Variants in CWF19L2 observed in about 807,000 individuals in gnomAD.
CWF19L2 encodes CWF19 like cell cycle control factor 2.
CWF19L2 carries 98 observed loss-of-function variants against 111.7 expected under a neutral mutation model. The observed-to-expected ratio is 0.88, with a 90% CI of 0.75 to 1.04. The LOEUF (loss-of-function observed/expected upper bound fraction) is 1.04, where lower values mean the gene tolerates loss of function less well. Ranked by LOEUF, CWF19L2 falls within the 50% of genes least tolerant of loss-of-function variation. The pLI is 0.00. For missense variants in CWF19L2, 1,101 were observed against 1,051.4 expected, an observed-to-expected ratio of 1.05 and a Z score of -0.65; for synonymous variants, 351 against 342.9, an observed-to-expected ratio of 1.02 and a Z score of -0.26.
intron 12 of CWF19L2, among the ~76,000 whole-genome samples, chr11:107,361,683 T>C (rs1409482008): frequency 6.6e-6 from 1 of 152,218 alleles, no homozygotes; most frequent in South Asian, 2.1e-4. Context: ...CCTGTAGAGA[T>C]CTTTCACCTC....
At chr11:107,328,570 G>A (rs1859797362) in intron 17 of CWF19L2, among the ~76,000 whole-genome samples, 1 of 152,150 alleles carries the variant, frequency 6.6e-6, no homozygotes, top group African/African-American at 2.4e-5. Flanking sequence ...GTGACGCAAT[G>A]CTGACAGAGA....
intron 10 of CWF19L2, chr11:107,404,333 G>C: frequency 1.3e-6 from 1 of 789,654 alleles, no homozygotes. Context: ...AGGGTTGGAA[G>C]CCTTTACTTG....
intron 12 of CWF19L2, among the ~76,000 whole-genome samples, chr11:107,362,268 G>A (rs1860361694): frequency 6.6e-6 from 1 of 152,260 alleles, no homozygotes; most frequent in East Asian, 1.9e-4. Flanking sequence ...CCATTGCCCA[G>A]GCTTGCTTAG....
Position 107,454,463 on chromosome 11 carries a change from G to C in CWF19L2, c.326C>G (p.Ser109Cys). The change falls in exon 3 of 18, where the codon TCT becomes TGT. Residue 109 changes from serine (S) to cysteine (C), a missense_variant. Coordinates refer to ENST00000282251, the MANE Select transcript of CWF19L2 (RefSeq NM_152434.3). ...GTACATACTTACTGATGAGCTATCA[G>C]ATGACTCATTGTTTTTTTCATATTT... ...KQKYEKNNES[S>C]DSSSSSEDEW... 2 of 1,439,738 alleles carry C rather than the reference G, an allele frequency of 1.4e-6. No homozygotes were observed. The highest frequency in any genetic ancestry group is 3.2e-5 in the South Asian group (2 of 62,858). The allele number at this position is 1,439,738 out of a possible 1,614,324, so 89.2% of individuals were successfully genotyped here. A position where few individuals can be genotyped will look rare whatever the true frequency, so the allele number is the denominator to read the frequency against.
In CWF19L2 at chr11:107,362,402, C is replaced by G. The variant is rs547656175; in HGVS notation, c.1873-8666G>C. ...AAACAAACAAAAAGACAGCAGTAAC[C>G]TCTGCAGACTTAAATGTCCCTGTCT... On this transcript the variant is annotated intron_variant, in intron 12 of 17. Transcript: ENST00000282251. Among the ~76,000 whole-genome samples, 29 of 152,100 alleles carry G rather than the reference C, an allele frequency of 1.9e-4. No homozygotes were observed. The East Asian group carries it at 5.5e-3, about 29-fold the overall frequency.
intron 10 of CWF19L2, 100 bp downstream of exon 10, chr11:107,416,109 A>G (rs1029129563): frequency 2.0e-5 from 6 of 292,838 alleles, no homozygotes; most frequent in Non-Finnish European, 3.0e-5. Flanking sequence ...AAAAATAGAT[A>G]AAATAAAATA....
At chr11:107,403,422 G>A in intron 10 of CWF19L2, 1 of 756,990 alleles carries the variant, frequency 1.3e-6, no homozygotes, top group South Asian at 1.3e-5. Flanking sequence ...TCATCTTCTG[G>A]TAGGGGATCT....
chr11:107,455,518 G>C (rs1237815526), intron 2 of CWF19L2, 148 bp downstream of exon 2: 3 of 506,220 alleles, frequency 5.9e-6, no homozygotes, highest in Admixed American at 3.8e-5. Context: ...CTCTGCCAAA[G>C]AGATGAAACT....
intron 12 of CWF19L2, among the ~76,000 whole-genome samples, chr11:107,361,884 G>C (rs1409560831): frequency 1.3e-5 from 2 of 152,158 alleles, no homozygotes; most frequent in African/African-American, 2.4e-5. Flanking sequence ...GCAGAAGACG[G>C]GTGATTTGTG....
At chr11:107,374,818 A>C (rs201317047) in intron 12 of CWF19L2, among the ~76,000 whole-genome samples, 9,079 of 144,580 alleles carry the variant, frequency 0.063, no homozygotes, top group East Asian at 0.15. Context: ...TAAAAGACAC[A>C]GACTGGCAAA....
At chr11:107,388,787 C>A (rs1860807903) in intron 12 of CWF19L2, among the ~76,000 whole-genome samples, 1 of 152,172 alleles carries the variant, frequency 6.6e-6, no homozygotes. Context: ...ACTTCATATA[C>A]AGAGGTACCA....
chr11:107,454,349 T>C lies in CWF19L2; in HGVS notation c.339+101A>G, dbSNP rs139173571. 6.2e-4 allele frequency: 560 copies of C among 902,708 alleles called. 3 individuals carry two copies. In the African/African-American group the frequency reaches 9.1e-3, roughly 15 times the overall value. 55.9% of individuals were successfully genotyped at this position (902,708 alleles called of 1,614,324 possible). On this transcript the variant is annotated intron_variant, in intron 3 of 17. Transcript: ENST00000282251. Reference sequence around the variant, plus strand: ...GATATTTTCATATCATAACTAGTAATATATTTTTTACGTTTTCTTGTATTT... The same window carrying C: ...GATATTTTCATATCATAACTAGTAACATATTTTTTACGTTTTCTTGTATTT...
At position 107,392,795 on chromosome 11, in the gene CWF19L2, C is replaced by T. The variant is rs1453831484; in HGVS notation, c.1718G>A (p.Arg573Lys). The change falls in exon 11 of 18, where the codon AGA (arginine) becomes AAA (lysine). Residue 573 changes from arginine (R) to lysine (K), a missense_variant. Coordinates refer to ENST00000282251, the MANE Select transcript of CWF19L2 (RefSeq NM_152434.3). ...TAAACATACCATCTGTCTCTTTCTT[C>T]TTCCTCCTTGTGATTCCAGAGATTT... is the stretch of plus-strand genomic sequence containing the variant. ...PGKSLESQGG[R>K]RKRQMVSTHE... The T allele has an allele frequency of 6.3e-7, 1 of 1,586,830 alleles. No individual in the cohort carries two copies. The highest frequency in any genetic ancestry group is 1.1e-5 in the South Asian group (1 of 88,312).
intron 12 of CWF19L2, among the ~76,000 whole-genome samples, chr11:107,360,814 C>A (rs917823976): frequency 1.3e-5 from 2 of 152,126 alleles, no homozygotes; most frequent in African/African-American, 4.8e-5. Flanking sequence ...CATATCCTTG[C>A]CCACTTTTTA....
intron 3 of CWF19L2, among the ~76,000 whole-genome samples, chr11:107,451,864 C>T (rs1230150463): frequency 6.6e-6 from 1 of 152,132 alleles, no homozygotes; most frequent in Non-Finnish European, 1.5e-5. Context: ...AAAAAAAGCA[C>T]TTACCAAATT....
At chr11:107,399,756 A>T (rs1266214889) in intron 10 of CWF19L2, among the ~76,000 whole-genome samples, 1 of 152,216 alleles carries the variant, frequency 6.6e-6, no homozygotes, top group Admixed American at 6.5e-5. Flanking sequence ...CAGCAACTGC[A>T]GCATACACAT....
At chr11:107,422,834 A>C (rs1054159426) in intron 8 of CWF19L2, among the ~76,000 whole-genome samples, 1 of 151,968 alleles carries the variant, frequency 6.6e-6, no homozygotes, top group Non-Finnish European at 1.5e-5. Context: ...GGAATCTTTT[A>C]ACAGACAGAT....
At chr11:107,419,557 A>G (rs1400956232) in intron 8 of CWF19L2, among the ~76,000 whole-genome samples, 1 of 152,206 alleles carries the variant, frequency 6.6e-6, no homozygotes, top group African/African-American at 2.4e-5. Context: ...CAAGGATACT[A>G]AAAGTGATTA....
Position 107,334,919 on chromosome 11 carries a change from T to G in CWF19L2, c.2401A>C (p.Lys801Gln). The part of the protein sequence containing the change: ...ESDEEWSMNK[K>Q]LIDLSSKDIR... ...TCTTTTGAAGAGAGATCTATCAACTTCTTGTTCATGGACCACTCTTCATCA... is the reference window on the plus strand; with the variant it reads ...TCTTTTGAAGAGAGATCTATCAACTGCTTGTTCATGGACCACTCTTCATCA... Residue 801 changes from lysine (K) to glutamine (Q), a missense_variant, in exon 16 of 18, where the codon AAG becomes CAG. Coordinates refer to ENST00000282251, the MANE Select transcript of CWF19L2 (RefSeq NM_152434.3). 1 of 1,608,636 alleles carries G rather than the reference T, an allele frequency of 6.2e-7. No homozygotes were observed. The highest frequency in any genetic ancestry group is 8.5e-7 in the Non-Finnish European group (1 of 1,175,468).
Sources: gnomAD v4.1 joint callset for allele counts (sites outside exome capture counted in the v4.1 genomes callset) on GRCh38, gnomAD v4.1.1 for gene constraint, MANE v1.5 for transcripts, NCBI Gene and HGNC (gene_info 2026-07-23, HGNC 2026-07-21) for gene names.